ACCSL: variants seen among roughly 807,000 people sequenced by gnomAD.
ACCSL encodes 1-aminocyclopropane-1-carboxylate synthase homolog (inactive) like, also known as probable inactive 1-aminocyclopropane-1-carboxylate synthase-like protein 2.
ACCSL carries 55 observed loss-of-function variants against 61.7 expected under a neutral mutation model. That is an observed-to-expected ratio of 0.89 (90% CI 0.72 to 1.12). ACCSL has a LOEUF of 1.12. Among genes scored for constraint, ACCSL ranks in the 50% most tolerant of loss-of-function variants. The pLI, the probability that ACCSL is intolerant of heterozygous loss-of-function variation, is 0.00. For missense variants in ACCSL, 632 were observed against 698.0 expected, an observed-to-expected ratio of 0.91 and a Z score of 1.07; for synonymous variants, 258 against 264.3, an observed-to-expected ratio of 0.98 and a Z score of 0.23.
At chr11:43,980,000 A>C in the ACCSL span, among the ~76,000 whole-genome samples, 1 of 152,194 alleles carries the variant, frequency 6.6e-6, no homozygotes, top group Non-Finnish European at 1.5e-5. Flanking sequence ...TTGTCTATGC[A>C]ATTCCAAAAA....
chr11:44,049,840 G>T (rs539044959), intron 1 of ACCSL, among the ~76,000 whole-genome samples: 1 of 152,346 alleles, frequency 6.6e-6, no homozygotes, highest in Admixed American at 6.5e-5. Flanking sequence ...AGAACTCAAT[G>T]ACTGGTCGAT....
At chr11:43,960,848 C>T in the ACCSL span, among the ~76,000 whole-genome samples, 37 of 151,318 alleles carry the variant, frequency 2.4e-4, no homozygotes, top group East Asian at 4.7e-3. Context: ...GATGGAGGTT[C>T]GCTCTTGTCA....
At chr11:44,014,846 G>C in the ACCSL span, among the ~76,000 whole-genome samples, 299 of 152,326 alleles carry the variant, frequency 2.0e-3, no homozygotes, top group African/African-American at 7.0e-3. Flanking sequence ...AAAGGTATGG[G>C]CCTGGGCCTC....
At chr11:43,941,169 A>G in the ACCSL span, among the ~76,000 whole-genome samples, 18 of 152,260 alleles carry the variant, frequency 1.2e-4, no homozygotes, top group African/African-American at 4.3e-4. Context: ...CAGCTTAAAT[A>G]TCCAGGCTCT....
the ACCSL span, among the ~76,000 whole-genome samples, chr11:44,014,143 T>TC: frequency 6.6e-6 from 1 of 152,082 alleles, no homozygotes; most frequent in African/African-American, 2.4e-5. Context: ...GAAACATATA[T>TC]CCCCACACCG....
chr11:44,028,056 T>C, the ACCSL span, among the ~76,000 whole-genome samples: 13 of 152,058 alleles, frequency 8.5e-5, no homozygotes, highest in Admixed American at 8.5e-4. Context: ...TAGTCTTAGC[T>C]ACTTAGGAGG....
the ACCSL span, among the ~76,000 whole-genome samples, chr11:43,987,772 C>A: frequency 6.6e-6 from 1 of 152,166 alleles, no homozygotes; most frequent in South Asian, 2.1e-4. Flanking sequence ...GAATCTCTTC[C>A]CAGTATAATC....
At chr11:43,967,190 T>TTTTTTTTTTTTTTTTTTTTTC in the ACCSL span, among the ~76,000 whole-genome samples, 1 of 124,750 alleles carries the variant, frequency 8.0e-6, no homozygotes, top group African/African-American at 3.0e-5. Context: ...TTTTTTTTTT[T>TTTTTTTTTTTTTTTTTTTTTC]TTTTGAGATG....
At chr11:43,959,049 T>C in the ACCSL span, among the ~76,000 whole-genome samples, 1 of 152,194 alleles carries the variant, frequency 6.6e-6, no homozygotes, top group South Asian at 2.1e-4. Flanking sequence ...AATCCATCCA[T>C]GAAGGTGGAG....
chr11:44,053,537 T>C, intron 8 of ACCSL, 31 bp downstream of exon 8: 1 of 1,580,672 alleles, frequency 6.3e-7, no homozygotes, highest in Non-Finnish European at 8.7e-7. Context: ...GACTAGGTAA[T>C]GTTTCTTGAA....
rs376209867 is a variant in ACCSL at position 44,048,449 on chromosome 11, G to A, written c.413G>A (p.Arg138His). ...TTTGTCAACCGCGACCTATCCATCCGTGGGATTGACATCTCTGTCTTTTAT... is the reference window on the plus strand; with the variant it reads ...TTTGTCAACCGCGACCTATCCATCCATGGGATTGACATCTCTGTCTTTTAT... ...AAFVNRDLSIRGIDISVFYQS... is the reference protein window; with the variant it reads ...AAFVNRDLSIHGIDISVFYQS... Residue 138 changes from arginine (R) to histidine (H), a missense_variant, in exon 1 of 14, where the codon CGT becomes CAT. By Grantham distance (29) the Arg-to-His change is conservative. Transcript: ENST00000378832. 1.2e-5 allele frequency: 20 copies of A among 1,613,368 alleles called. No individual in the cohort carries two copies. Among genetic ancestry groups the A allele is most frequent in the South Asian group, 4.4e-5 (4 of 91,060 alleles).
At chr11:44,041,517 T>C in the ACCSL span, among the ~76,000 whole-genome samples, 1 of 152,254 alleles carries the variant, frequency 6.6e-6, no homozygotes, top group South Asian at 2.1e-4. Flanking sequence ...AAGTCTGACC[T>C]ATGTGTATAT....
chr11:43,978,034 G>A, the ACCSL span, among the ~76,000 whole-genome samples: 2 of 136,980 alleles, frequency 1.5e-5, no homozygotes, highest in African/African-American at 5.7e-5. Context: ...TTTTGAGATG[G>A]AGCCTCGCTC....
At chr11:44,023,449 C>A in the ACCSL span, among the ~76,000 whole-genome samples, 2 of 152,132 alleles carry the variant, frequency 1.3e-5, no homozygotes, top group African/African-American at 4.8e-5. Flanking sequence ...TATGTGGTTT[C>A]TGGTATTCGC....
At chr11:43,970,673 A>G in the ACCSL span, among the ~76,000 whole-genome samples, 1 of 152,182 alleles carries the variant, frequency 6.6e-6, no homozygotes, top group Admixed American at 6.5e-5. Context: ...TGGCATTCCA[A>G]CATACTGAAG....
At chr11:44,056,557 G>A (rs988089139) in intron 11 of ACCSL, among the ~76,000 whole-genome samples, 1 of 152,208 alleles carries the variant, frequency 6.6e-6, no homozygotes, top group Non-Finnish European at 1.5e-5. Flanking sequence ...ATGAGGCCGG[G>A]CATGGTGGCT....
At chr11:43,963,154 G>A in the ACCSL span, among the ~76,000 whole-genome samples, 9 of 152,218 alleles carry the variant, frequency 5.9e-5, no homozygotes, top group South Asian at 8.3e-4. Flanking sequence ...CTGGATGGAC[G>A]TTGGTTTGTG....
In ACCSL at chr11:44,053,050, G is replaced by T; in HGVS notation, c.930G>T (p.Leu310=). The change falls in exon 7 of 14, where the codon CTG becomes CTT. Residue 310 remains leucine, a synonymous_variant. Coordinates refer to ENST00000378832, the MANE Select transcript of ACCSL (RefSeq NM_001031854.2). ...QLTVDKLEEA[L]LEARLEGKKV... is the part of the protein sequence containing the mutation. ...CTGTGGACAAGTTAGAGGAAGCCCTGCTTGAAGCTAGGCTTGAGGTAAGGT... is the reference window on the plus strand; with the variant it reads ...CTGTGGACAAGTTAGAGGAAGCCCTTCTTGAAGCTAGGCTTGAGGTAAGGT... 6.2e-7 allele frequency: 1 copy of T among 1,614,106 alleles called. No homozygotes were observed. Among genetic ancestry groups the T allele is most frequent in the Non-Finnish European group, 8.5e-7 (1 of 1,179,974 alleles).
At chr11:43,948,960 A>G in the ACCSL span, among the ~76,000 whole-genome samples, 2 of 152,214 alleles carry the variant, frequency 1.3e-5, no homozygotes, top group Non-Finnish European at 1.5e-5. Context: ...CTTGGGAGAT[A>G]TGAGATTTCT....
Sources: allele counts gnomAD v4.1 joint callset (sites outside exome capture counted in the v4.1 genomes callset), GRCh38; gene constraint gnomAD v4.1.1; transcripts MANE v1.5; gene names NCBI Gene and HGNC (gene_info 2026-07-23, HGNC 2026-07-21).